ZNF28: variants seen among roughly 807,000 people sequenced by gnomAD.
The protein encoded by ZNF28 is zinc finger protein KOX24.
ZNF28 carries 5 observed loss-of-function variants against 7.2 expected under a neutral mutation model. That is an observed-to-expected ratio of 0.70 (90% CI 0.36 to 1.46). The LOEUF (loss-of-function observed/expected upper bound fraction) is 1.46, where lower values mean the gene tolerates loss of function less well. ZNF28 is among the 40% of genes most tolerant of loss of function. The pLI is 0.03. For synonymous variants in ZNF28, 288 were observed against 292.4 expected (o/e 0.99, Z 0.15); for missense variants, 879 against 866.6 (o/e 1.01, Z -0.18).
At chr19:52,814,400 G>A (rs1353119641) in intron 2 of ZNF28, 1 of 146,244 alleles carries the variant, frequency 6.8e-6, no homozygotes, top group East Asian at 2.0e-4. Context: ...AGACCAGCAT[G>A]GCCAAAATGG....
chr19:52,809,324 G>C (rs1177479778), intron 2 of ZNF28, among the ~76,000 whole-genome samples: 1 of 152,198 alleles, frequency 6.6e-6, no homozygotes, highest in Admixed American at 6.5e-5. Context: ...CACATGTGTT[G>C]TCATTCAGCC....
chr19:52,803,449 A>C (rs1425285442), intron 3 of ZNF28, among the ~76,000 whole-genome samples: 2 of 152,206 alleles, frequency 1.3e-5, no homozygotes, highest in Non-Finnish European at 2.9e-5. Context: ...TCACATATAA[A>C]GTCATAAAAA....
chr19:52,800,968 G>GA lies in ZNF28; in HGVS notation c.876dup (p.His293SerfsTer8). 1 of 1,614,148 alleles carries GA rather than the reference G, an allele frequency of 6.2e-7. No individual in the cohort carries two copies. The highest frequency in any genetic ancestry group is 2.2e-5 in the East Asian group (1 of 44,878). On this transcript the variant is annotated frameshift_variant, in exon 4 of 4. Transcript: ENST00000457749. LOFTEE classifies it low-confidence loss of function (END_TRUNC). The stretch of plus-strand genomic sequence containing the variant: ...CATTCATAAGGTTTGTCTGCAGTAT[G>GA]AAGCGCCTTGTGAAGGAAGAGGGAT...
Position 52,808,153 on chromosome 19 carries a change from T to C in ZNF28, c.16-20A>G, listed in dbSNP as rs1192379270. The stretch of plus-strand genomic sequence containing the variant: ...TAGACCCTGAAATGGAAACACATTT[T>C]AACCAAATGGTTATGGTGGAGTTCT... On this transcript the variant is annotated intron_variant, in intron 2 of 3. Transcript: ENST00000457749. The C allele has an allele frequency of 6.2e-7, 1 of 1,611,854 alleles. No homozygotes were observed. The highest frequency in any genetic ancestry group is 8.5e-7 in the Non-Finnish European group (1 of 1,178,592).
intron 2 of ZNF28, among the ~76,000 whole-genome samples, chr19:52,811,762 G>C (rs1365754084): frequency 7.1e-6 from 1 of 141,272 alleles, no homozygotes; most frequent in South Asian, 2.2e-4. Context: ...GAGGGAGGTC[G>C]GGGGGGTCAG....
chr19:52,814,606 G>C (rs1471178068), intron 2 of ZNF28, among the ~76,000 whole-genome samples: 1 of 139,308 alleles, frequency 7.2e-6, no homozygotes, highest in Non-Finnish European at 1.5e-5. Context: ...AAAAAAAAAA[G>C]CTGGGCGAGG....
chr19:52,820,102 T>C (rs2063175319), intron 1 of ZNF28, among the ~76,000 whole-genome samples: 1 of 138,960 alleles, frequency 7.2e-6, no homozygotes, highest in Non-Finnish European at 1.5e-5. Flanking sequence ...GCAACTTATT[T>C]AACCTCTTTT....
chr19:52,820,361 C>A (rs2063180429), intron 1 of ZNF28, among the ~76,000 whole-genome samples: 1 of 138,930 alleles, frequency 7.2e-6, no homozygotes. Flanking sequence ...TCATGATCCA[C>A]CCGCCTCGGC....
rs754469643 is a variant in ZNF28 at position 52,799,688 on chromosome 19, T to G, written c.2157A>C (p.Ter719CysextTer28). The change falls in exon 4 of 4, where the codon TGA (stop) becomes TGC (cysteine). Residue 719 changes from the stop codon to cysteine, a stop_lost. Coordinates refer to ENST00000457749, the MANE Select transcript of ZNF28 (RefSeq NM_006969.5). ...AGGTCTTGCCACACTCATTACACTT[T>G]CAAGGTTTCTCTCCACTATGAAGTC... is the stretch of plus-strand genomic sequence containing the variant. ...HHRLHSGEKP[*>C] 21 of 1,204,582 alleles carry G rather than the reference T, an allele frequency of 1.7e-5. No homozygotes were observed. Among genetic ancestry groups the G allele is most frequent in the South Asian group, 1.0e-4 (5 of 48,448 alleles). The allele number at this position is 1,204,582 out of a possible 1,614,324, so 74.6% of individuals were successfully genotyped here. A position where few individuals can be genotyped will look rare whatever the true frequency, so the allele number is the denominator to read the frequency against.
Position 52,801,020 on chromosome 19 carries a change from C to T in ZNF28, c.825G>A (p.Glu275=), listed in dbSNP as rs751407865. 6.2e-7 allele frequency: 1 copy of T among 1,613,952 alleles called. No individual in the cohort carries two copies. Among genetic ancestry groups the T allele is most frequent in the Non-Finnish European group, 8.5e-7 (1 of 1,179,992 alleles). The stretch of plus-strand genomic sequence containing the variant: ...TATTGTGACCAAAGATCTTGCCACA[C>T]TCATTACACTTGTAAGGTTTCTCAT... ...HIDEKPYKCN[E]CGKIFGHNTS... is the part of the protein sequence containing the mutation. Residue 275 remains glutamate (E), a synonymous_variant, in exon 4 of 4, where the codon GAG becomes GAA. Coordinates refer to ENST00000457749, the MANE Select transcript of ZNF28 (RefSeq NM_006969.5).
In ZNF28 at chr19:52,809,946, G is replaced by T. The variant is rs1183815349; in HGVS notation, c.16-1813C>A. On this transcript the variant is annotated intron_variant, in intron 2 of 3. Coordinates refer to ENST00000457749, the MANE Select transcript of ZNF28 (RefSeq NM_006969.5). ...TGGGGAGGCCGGGGAGGTTGCCCCGGGGGGCGCAGGGGACGATGGGAACGG... is the reference window on the plus strand; with the variant it reads ...TGGGGAGGCCGGGGAGGTTGCCCCGTGGGGCGCAGGGGACGATGGGAACGG... The T allele has an allele frequency of 6.0e-6, 5 of 833,894 alleles. No homozygotes were observed. In the Admixed American group the frequency reaches 6.0e-5, roughly 10 times the overall value. The allele number at this position is 833,894 out of a possible 1,614,324, so 51.7% of individuals were successfully genotyped here. A position where few individuals can be genotyped will look rare whatever the true frequency, so the allele number is the denominator to read the frequency against.
chr19:52,818,178 A>T, intron 1 of ZNF28, 147 bp from the exon 2 acceptor site: 2 of 839,636 alleles, frequency 2.4e-6, no homozygotes, highest in Non-Finnish European at 3.6e-6. Flanking sequence ...TTCCTACAGG[A>T]AAACTCCCAC....
intron 3 of ZNF28, among the ~76,000 whole-genome samples, chr19:52,807,446 A>G (rs2062950901): frequency 6.6e-6 from 1 of 152,142 alleles, no homozygotes; most frequent in South Asian, 2.1e-4. Context: ...AGGGAACTGG[A>G]TATCTTTAAA....
Position 52,810,392 on chromosome 19 carries a change from C to T in ZNF28, c.16-2259G>A, listed in dbSNP as rs543444674. 21 of 1,604,728 alleles carry T rather than the reference C, an allele frequency of 1.3e-5. No individual in the cohort carries two copies. In the African/African-American group the frequency reaches 1.9e-4, roughly 14 times the overall value. On this transcript the variant is annotated intron_variant, in intron 2 of 3. Transcript: ENST00000457749. ...TTCATGGCTGTGGTTCAGTCAACCACGTTACCATACTCTGTGACAAATTTA... is the reference window on the plus strand; with the variant it reads ...TTCATGGCTGTGGTTCAGTCAACCATGTTACCATACTCTGTGACAAATTTA...
At chr19:52,802,686 A>C (rs1438308690) in intron 3 of ZNF28, among the ~76,000 whole-genome samples, 8 of 152,144 alleles carry the variant, frequency 5.3e-5, no homozygotes, top group Admixed American at 4.6e-4. Context: ...CAAAAAAAGG[A>C]AAATGTTAAT....
At chr19:52,801,738 G>A in intron 3 of ZNF28, 36 bp from the exon 4 acceptor site, 1 of 1,569,380 alleles carries the variant, frequency 6.4e-7, no homozygotes, top group Non-Finnish European at 8.7e-7. Flanking sequence ...TTCCAATGAA[G>A]TACAGATGGT....
chr19:52,813,965 A>T lies in ZNF28; in HGVS notation c.15+3979T>A, dbSNP rs539103238. 1.4e-3 allele frequency among the ~76,000 whole-genome samples: 200 copies of T among 145,938 alleles called. 39 individuals are homozygous for T. Among genetic ancestry groups the T allele is most frequent in the African/African-American group, 4.5e-3 (168 of 37,454 alleles). ...TTTAAGCTCATTTCCAGGGGTGGGAATTTTTTTTAATATGTGTCATGAATA... is the reference window on the plus strand; with the variant it reads ...TTTAAGCTCATTTCCAGGGGTGGGATTTTTTTTTAATATGTGTCATGAATA... On this transcript the variant is annotated intron_variant, in intron 2 of 3. Coordinates refer to ENST00000457749, the MANE Select transcript of ZNF28 (RefSeq NM_006969.5).
At position 52,817,989 on chromosome 19, in the gene ZNF28, C is replaced by T; in HGVS notation, c.-31G>A. On this transcript the variant is annotated 5_prime_UTR_variant, in exon 2 of 4. Coordinates refer to ENST00000457749, the MANE Select transcript of ZNF28 (RefSeq NM_006969.5). ...ACTCCTTTGCTTTCCTCTTCCTCTT[C>T]TGGGTTTCTTCCTCACGTACCAAGA... 6.2e-7 allele frequency: 1 copy of T among 1,610,780 alleles called. No individual in the cohort carries two copies. Among genetic ancestry groups the T allele is most frequent in the Non-Finnish European group, 8.5e-7 (1 of 1,179,788 alleles).
chr19:52,809,928 GC>G, intron 2 of ZNF28: 1 of 862,366 alleles, frequency 1.2e-6, no homozygotes, highest in Non-Finnish European at 1.9e-6. Context: ...CGGTGGGGAG[GC>G]CGGGGAGGTT....
Sources: gnomAD v4.1 joint callset for allele counts (sites outside exome capture counted in the v4.1 genomes callset) on GRCh38, gnomAD v4.1.1 for gene constraint, MANE v1.5 for transcripts, NCBI Gene and HGNC (gene_info 2026-07-23, HGNC 2026-07-21) for gene names.